The following CCDC141 variants were observed in gnomAD, a reference collection of about 807,000 sequenced individuals.
The protein encoded by CCDC141 is coiled-coil domain containing 141.
Under a neutral mutation model 181.0 loss-of-function variants are expected in CCDC141, and 168 were observed. The ratio of observed to expected loss-of-function variants is 0.93; its 90% CI spans 0.82 to 1.05. CCDC141 has a LOEUF of 1.05. Among genes scored for constraint, CCDC141 ranks in the 50% least tolerant of loss-of-function variants. The pLI is 0.00. For missense variants in CCDC141, 1,902 were observed against 1,788.5 expected (o/e 1.06, Z -1.14); for synonymous variants, 666 against 642.3 (o/e 1.04, Z -0.56).
chr2:178,885,158 T>C, intron 10 of CCDC141, 66 bp from the exon 11 acceptor site: 1 of 1,077,654 alleles, frequency 9.3e-7, no homozygotes, highest in Non-Finnish European at 1.3e-6. Flanking sequence ...CGTTTCATTA[T>C]CTTCTGCATA....
intron 5 of CCDC141, among the ~76,000 whole-genome samples, chr2:178,954,349 TATC>T (rs1690073147): frequency 6.6e-6 from 1 of 152,242 alleles, no homozygotes; most frequent in Non-Finnish European, 1.5e-5. Flanking sequence ...GTCAGCTGCT[TATC>T]ATTAAATGTA....
chr2:178,987,873 A>G (rs1349935835), intron 2 of CCDC141, among the ~76,000 whole-genome samples: 2 of 150,718 alleles, frequency 1.3e-5, no homozygotes, highest in African/African-American at 4.9e-5. Flanking sequence ...TGTTGGTGGG[A>G]CTGTAAACTA....
intron 4 of CCDC141, among the ~76,000 whole-genome samples, chr2:178,974,469 T>C (rs1396116054): frequency 6.6e-6 from 1 of 152,216 alleles, no homozygotes; most frequent in Non-Finnish European, 1.5e-5. Flanking sequence ...CAAATTCTTG[T>C]AGAAAGGCTT....
chr2:178,822,713 C>T, the CCDC141 span, among the ~76,000 whole-genome samples: 1 of 152,110 alleles, frequency 6.6e-6, no homozygotes, highest in Admixed American at 6.6e-5. Context: ...TTTCTCAGGG[C>T]AACATCAATG....
chr2:178,917,936 A>G (rs760385387), intron 7 of CCDC141, among the ~76,000 whole-genome samples: 4 of 152,250 alleles, frequency 2.6e-5, no homozygotes, highest in Non-Finnish European at 5.9e-5. Context: ...AAAGGCTTGC[A>G]ATATTCATAT....
intron 2 of CCDC141, among the ~76,000 whole-genome samples, chr2:179,039,777 C>A (rs569918518): frequency 7.9e-4 from 120 of 152,244 alleles, no homozygotes; most frequent in Non-Finnish European, 1.4e-3. Context: ...AACTTGGATC[C>A]AACAATTTTC....
In CCDC141 at chr2:178,864,238, G is replaced by A. The variant is rs114401294; in HGVS notation, c.2724+1529C>T. Among the ~76,000 whole-genome samples, 756 of 152,268 alleles carry A rather than the reference G, an allele frequency of 5.0e-3. 8 individuals carry two copies. Among genetic ancestry groups the A allele is most frequent in the African/African-American group, 0.018 (728 of 41,552 alleles). ...AGAAGGAGGGAAAACGGGAAGAAAG[G>A]GGGAGGGGAGGAAAGAAGAGAGAAA... On this transcript the variant is annotated intron_variant, in intron 17 of 23. Coordinates refer to ENST00000443758, the MANE Select transcript of CCDC141 (RefSeq NM_173648.4).
chr2:178,889,214 A>C, intron 8 of CCDC141, among the ~76,000 whole-genome samples: 1 of 152,166 alleles, frequency 6.6e-6, no homozygotes, highest in South Asian at 2.1e-4. Flanking sequence ...GTTGATAAAA[A>C]AAAAAAGAAG....
chr2:178,852,102 C>T (rs1685189507), intron 20 of CCDC141, among the ~76,000 whole-genome samples: 1 of 152,136 alleles, frequency 6.6e-6, no homozygotes, highest in Non-Finnish European at 1.5e-5. Flanking sequence ...AAAATCGCTC[C>T]TCAAATACAG....
At position 179,027,646 on chromosome 2, in the gene CCDC141, CAAAAAAAAAAAAAAAAAA is replaced by C. The variant is rs71023466; in HGVS notation, c.225+19620_225+19637del. 2.1e-3 allele frequency among the ~76,000 whole-genome samples: 113 copies of C among 53,274 alleles called. 1 individual carries two copies. Among genetic ancestry groups the C allele is most frequent in the African/African-American group, 6.0e-3 (87 of 14,462 alleles). The allele number at this position is 53,274 out of a possible 152,430, so 34.9% of individuals were successfully genotyped here. On this transcript the variant is annotated intron_variant, in intron 2 of 23. Transcript: ENST00000443758. ...GGCAACAGAGTGAGACTCTTACTCT[CAAAAAAAAAAAAAAAAAA>C]AAAAAAAAAAAAAAAAAGTTTCCCT...
At chr2:178,844,999 T>C (rs1025525964) in intron 22 of CCDC141, among the ~76,000 whole-genome samples, 1 of 152,242 alleles carries the variant, frequency 6.6e-6, no homozygotes, top group Non-Finnish European at 1.5e-5. Flanking sequence ...TTCAAAATCA[T>C]GATACATTTG....
At chr2:178,892,829 G>C (rs1687221184) in intron 8 of CCDC141, among the ~76,000 whole-genome samples, 1 of 152,160 alleles carries the variant, frequency 6.6e-6, no homozygotes, top group African/African-American at 2.4e-5. Flanking sequence ...AGAACTGACG[G>C]TGGGTAACAG....
intron 16 of CCDC141, among the ~76,000 whole-genome samples, chr2:178,866,931 G>A (rs1424923863): frequency 6.6e-6 from 1 of 152,128 alleles, no homozygotes; most frequent in African/African-American, 2.4e-5. Flanking sequence ...TTGCCATGTT[G>A]GCCAGGCTGG....
chr2:178,863,185 G>C (rs888335397), intron 17 of CCDC141, among the ~76,000 whole-genome samples: 1 of 152,164 alleles, frequency 6.6e-6, no homozygotes, highest in African/African-American at 2.4e-5. Context: ...CTGAAACTCT[G>C]TTGTCCTGTA....
At chr2:178,952,912 T>C (rs1176427380) in intron 5 of CCDC141, among the ~76,000 whole-genome samples, 1 of 152,224 alleles carries the variant, frequency 6.6e-6, no homozygotes, top group Admixed American at 6.5e-5. Context: ...CTCACATTTA[T>C]TGATACACAA....
chr2:179,045,770 T>C (rs1009000252), intron 2 of CCDC141, among the ~76,000 whole-genome samples: 11 of 151,984 alleles, frequency 7.2e-5, no homozygotes, highest in Non-Finnish European at 1.0e-4. Context: ...AAAAAGTGGG[T>C]GAAGGACATG....
chr2:178,948,895 C>T (rs953124959), intron 5 of CCDC141, among the ~76,000 whole-genome samples: 4 of 152,190 alleles, frequency 2.6e-5, no homozygotes, highest in African/African-American at 9.6e-5. Context: ...CCAAATAACC[C>T]TTTCATCTTC....
At chr2:179,040,638 G>T (rs995955906) in intron 2 of CCDC141, among the ~76,000 whole-genome samples, 2 of 152,080 alleles carry the variant, frequency 1.3e-5, no homozygotes, top group Admixed American at 1.3e-4. Context: ...CATGGTATTT[G>T]GTTTTCTGTT....
intron 1 of CCDC141, among the ~76,000 whole-genome samples, chr2:179,048,046 A>G (rs2043557862): frequency 6.6e-6 from 1 of 152,146 alleles, no homozygotes; most frequent in South Asian, 2.1e-4. Context: ...ATTTGAGCAC[A>G]GTCAACTTGC....
Sources: allele counts gnomAD v4.1 joint callset (sites outside exome capture counted in the v4.1 genomes callset), GRCh38; gene constraint gnomAD v4.1.1; transcripts MANE v1.5; gene names NCBI Gene and HGNC (gene_info 2026-07-23, HGNC 2026-07-21).